Variants in DDAH1 observed in about 807,000 individuals in gnomAD.
The protein encoded by DDAH1 is dimethylarginine dimethylaminohydrolase 1.
Under a neutral mutation model 28.8 loss-of-function variants are expected in DDAH1, and 19 were observed. The ratio of observed to expected loss-of-function variants is 0.66; its 90% confidence interval spans 0.46 to 0.97. The LOEUF is 0.97. DDAH1 is among the 50% of genes least tolerant of loss of function. DDAH1 has a pLI of 0.00. For synonymous variants in DDAH1, 153 were observed against 154.4 expected, an observed-to-expected ratio of 0.99 and a Z score of 0.07; for missense variants, 326 against 375.9, an observed-to-expected ratio of 0.87 and a Z score of 1.10.
chr1:85,513,798 A>G (rs61785206), intron 1 of DDAH1, among the ~76,000 whole-genome samples: 28 of 152,370 alleles, frequency 1.8e-4, no homozygotes, highest in Non-Finnish European at 4.0e-4. Context: ...CAAAACCACA[A>G]TAAGATACCA....
At chr1:85,394,964 T>C (rs1180384455) in intron 1 of DDAH1, among the ~76,000 whole-genome samples, 7 of 152,186 alleles carry the variant, frequency 4.6e-5, no homozygotes, top group Non-Finnish European at 1.0e-4. Context: ...TAGTTCAAAA[T>C]TGCTTACTTC....
At chr1:85,380,597 G>A (rs1207619658) in intron 1 of DDAH1, 1 of 152,176 alleles carries the variant, frequency 6.6e-6, no homozygotes, top group Non-Finnish European at 1.5e-5. Flanking sequence ...AGGTAAGGCA[G>A]GCATAACGTA....
intron 1 of DDAH1, among the ~76,000 whole-genome samples, chr1:85,515,859 A>T (rs1361530258): frequency 3.3e-5 from 5 of 152,336 alleles, no homozygotes; most frequent in African/African-American, 1.2e-4. Context: ...ACAAAATACC[A>T]CAGGCTGGGT....
intron 4 of DDAH1, among the ~76,000 whole-genome samples, chr1:85,342,571 TTA>T (rs1465185012): frequency 6.6e-6 from 1 of 152,254 alleles, no homozygotes; most frequent in Admixed American, 6.5e-5. Context: ...CAGTTAGGTA[TTA>T]TATTTCAAGT....
At chr1:85,395,758 G>C (rs1028888627) in intron 1 of DDAH1, among the ~76,000 whole-genome samples, 1 of 152,028 alleles carries the variant, frequency 6.6e-6, no homozygotes, top group Non-Finnish European at 1.5e-5. Context: ...ATTTATGGAA[G>C]ATGAATCTTA....
intron 1 of DDAH1, among the ~76,000 whole-genome samples, chr1:85,539,280 G>C (rs112182790): frequency 1.2e-4 from 19 of 152,028 alleles, no homozygotes; most frequent in Non-Finnish European, 2.6e-4. Context: ...CCATGTAGCT[G>C]GGATGACAGG....
intron 1 of DDAH1, among the ~76,000 whole-genome samples, chr1:85,418,581 T>C (rs1652989364): frequency 6.6e-6 from 1 of 152,176 alleles, no homozygotes; most frequent in South Asian, 2.1e-4. Context: ...TAAAATTTCA[T>C]TTACACTTTT....
At chr1:85,375,507 G>A (rs1376393059) in intron 1 of DDAH1, among the ~76,000 whole-genome samples, 1 of 152,114 alleles carries the variant, frequency 6.6e-6, no homozygotes, top group Non-Finnish European at 1.5e-5. Flanking sequence ...AAAGTGTATG[G>A]GAAAAAGAGC....
chr1:85,456,150 C>A (rs1173300216), intron 1 of DDAH1, among the ~76,000 whole-genome samples: 1 of 152,034 alleles, frequency 6.6e-6, no homozygotes, highest in Non-Finnish European at 1.5e-5. Flanking sequence ...AAAATCAAAA[C>A]CAGTGTCTCC....
chr1:85,469,995 G>A (rs1655562434), upstream of DDAH1, among the ~76,000 whole-genome samples: 1 of 152,164 alleles, frequency 6.6e-6, no homozygotes, highest in South Asian at 2.1e-4. Flanking sequence ...TAATATTGCT[G>A]GTATCTTGCC....
At chr1:85,483,369 AACTTCTG>A (rs1303872700) in intron 2 of DDAH1, among the ~76,000 whole-genome samples, 1 of 152,118 alleles carries the variant, frequency 6.6e-6, no homozygotes, top group Non-Finnish European at 1.5e-5. Flanking sequence ...ACCTACCCTA[AACTTCTG>A]CCCTCATCAA....
intron 1 of DDAH1, among the ~76,000 whole-genome samples, chr1:85,411,653 A>G (rs1051557105): frequency 1.3e-5 from 2 of 152,374 alleles, no homozygotes; most frequent in South Asian, 2.1e-4. Context: ...GGTCCTAAAT[A>G]TAAAGACTAT....
chr1:85,338,876 T>C (rs1375205725), intron 4 of DDAH1, among the ~76,000 whole-genome samples: 1 of 143,620 alleles, frequency 7.0e-6, no homozygotes, highest in Non-Finnish European at 1.5e-5. Context: ...CCATCTCTAC[T>C]AAAAAAAAAA....
rs1480493481 is a variant in DDAH1 at position 85,535,281 on chromosome 1, C to T, written c.-122-39000G>A. Among the ~76,000 whole-genome samples, 2 of 150,524 alleles carry T rather than the reference C, an allele frequency of 1.3e-5. 1 individual carries two copies. The highest frequency in any genetic ancestry group is 4.9e-5 in the African/African-American group (2 of 40,848). On this transcript the variant is annotated intron_variant, in intron 1 of 6. Coordinates refer to the DDAH1 transcript ENST00000426972. ...ATTTAAACCAGACATGAAAATCTAT[C>T]GTATTTTTAAAGATCTCTAGAGAAA...
At chr1:85,431,621 G>T (rs1191102982) in intron 1 of DDAH1, among the ~76,000 whole-genome samples, 1 of 150,286 alleles carries the variant, frequency 6.7e-6, no homozygotes, top group Non-Finnish European at 1.5e-5. Flanking sequence ...CTTCCTCTCA[G>T]AAAGCTCTAC....
intron 1 of DDAH1, among the ~76,000 whole-genome samples, chr1:85,417,321 A>T (rs1427748099): frequency 6.6e-6 from 1 of 151,962 alleles, no homozygotes; most frequent in Admixed American, 6.6e-5. Flanking sequence ...AACAGCGGGG[A>T]GGGAAGTCAG....
At chr1:85,383,418 T>C (rs1382690664) in intron 1 of DDAH1, among the ~76,000 whole-genome samples, 1 of 152,230 alleles carries the variant, frequency 6.6e-6, no homozygotes, top group East Asian at 1.9e-4. Context: ...GAGGAGTTGC[T>C]TCTTATGGAT....
At chr1:85,416,025 T>C (rs909788204) in intron 1 of DDAH1, among the ~76,000 whole-genome samples, 1 of 152,148 alleles carries the variant, frequency 6.6e-6, no homozygotes, top group Non-Finnish European at 1.5e-5. Flanking sequence ...AAGCAAATAA[T>C]ATTAAAGAAA....
intron 1 of DDAH1, among the ~76,000 whole-genome samples, chr1:85,512,512 A>G (rs1570626395): frequency 6.6e-6 from 1 of 152,292 alleles, no homozygotes; most frequent in East Asian, 1.9e-4. Context: ...CAATCAGTCA[A>G]GAGAAAGAAA....
Sources: gnomAD v4.1 joint callset for allele counts (sites outside exome capture counted in the v4.1 genomes callset) on GRCh38, gnomAD v4.1.1 for gene constraint, MANE v1.5 for transcripts, NCBI Gene and HGNC (gene_info 2026-07-23, HGNC 2026-07-21) for gene names.